The following TASP1 variants were observed in gnomAD, a reference collection of about 807,000 sequenced individuals.
TASP1 encodes the protein threonine aspartase 1.
TASP1 carries 16 observed loss-of-function variants against 56.6 expected under a neutral mutation model. The ratio of observed to expected loss-of-function variants is 0.28; its 90% CI spans 0.19 to 0.43. The LOEUF (loss-of-function observed/expected upper bound fraction) is 0.43, where lower values mean the gene tolerates loss of function less well. Among genes scored for constraint, TASP1 ranks in the 20% least tolerant of loss-of-function variants. TASP1 has a pLI of 1.00. For synonymous variants in TASP1, 179 were observed against 184.2 expected (o/e 0.97, Z 0.23); for missense variants, 393 against 511.6 (o/e 0.77, Z 2.24).
At chr20:13,256,332 G>T in the TASP1 span, among the ~76,000 whole-genome samples, 3 of 146,764 alleles carry the variant, frequency 2.0e-5, no homozygotes, top group Admixed American at 7.0e-5. Flanking sequence ...GGAGGTGGAG[G>T]TTACACTGAG....
At chr20:13,116,375 G>A in the TASP1 span, among the ~76,000 whole-genome samples, 43 of 152,202 alleles carry the variant, frequency 2.8e-4, no homozygotes, top group South Asian at 1.0e-3. Flanking sequence ...GTGTGTTTTC[G>A]TACAACTTGC....
At chr20:13,179,416 T>C in the TASP1 span, among the ~76,000 whole-genome samples, 2 of 151,696 alleles carry the variant, frequency 1.3e-5, no homozygotes, top group South Asian at 2.1e-4. Context: ...CGTGTGTGTG[T>C]GTGTGTGTGT....
intron 11 of TASP1, among the ~76,000 whole-genome samples, chr20:13,438,708 G>A (rs1443267145): frequency 1.3e-5 from 2 of 152,156 alleles, no homozygotes; most frequent in Non-Finnish European, 2.9e-5. Flanking sequence ...CACCATCAGA[G>A]TGAACAGGCA....
chr20:13,291,985 A>G, the TASP1 span, among the ~76,000 whole-genome samples: 2 of 152,212 alleles, frequency 1.3e-5, no homozygotes, highest in Non-Finnish European at 2.9e-5. Context: ...GTGGCTAGTA[A>G]TGATTTCAAC....
the TASP1 span, among the ~76,000 whole-genome samples, chr20:13,349,026 G>T: frequency 6.6e-6 from 1 of 152,150 alleles, no homozygotes; most frequent in South Asian, 2.1e-4. Flanking sequence ...TAAGCTGTTT[G>T]AAAAATCCTT....
the TASP1 span, among the ~76,000 whole-genome samples, chr20:13,251,846 G>A: frequency 6.6e-6 from 1 of 152,086 alleles, no homozygotes; most frequent in Admixed American, 6.5e-5. Context: ...ACTTGGAGCC[G>A]AACTCTTAGT....
the TASP1 span, among the ~76,000 whole-genome samples, chr20:13,314,589 T>C: frequency 8.0e-3 from 1,212 of 152,140 alleles, 9 homozygotes; most frequent in Middle Eastern, 0.031. Flanking sequence ...ATGGATGGAA[T>C]TTGTTACCAG....
intron 12 of TASP1, among the ~76,000 whole-genome samples, chr20:13,434,414 G>C (rs1049344656): frequency 6.6e-6 from 1 of 152,058 alleles, no homozygotes. Flanking sequence ...CTTCACAGAG[G>C]GTGGGCTGGG....
At chr20:13,300,044 G>A in the TASP1 span, 1 of 152,224 alleles carries the variant, frequency 6.6e-6, no homozygotes, top group Non-Finnish European at 1.5e-5. Flanking sequence ...TAAACCAAAT[G>A]TTATTTGGTC....
At chr20:13,464,664 C>T (rs2044181346) in intron 11 of TASP1, among the ~76,000 whole-genome samples, 2 of 152,240 alleles carry the variant, frequency 1.3e-5, no homozygotes, top group Admixed American at 6.5e-5. Flanking sequence ...AGGTCAAATA[C>T]TACATGATTC....
chr20:13,178,155 G>T, the TASP1 span, among the ~76,000 whole-genome samples: 1 of 152,088 alleles, frequency 6.6e-6, no homozygotes, highest in African/African-American at 2.4e-5. Flanking sequence ...TGAAAAAAAT[G>T]CTCAGCATCA....
At chr20:13,527,193 G>C (rs1347924654) in intron 10 of TASP1, among the ~76,000 whole-genome samples, 1 of 152,116 alleles carries the variant, frequency 6.6e-6, no homozygotes, top group Non-Finnish European at 1.5e-5. Flanking sequence ...GACAAACCAA[G>C]AGGGTTCCAG....
intron 13 of TASP1, among the ~76,000 whole-genome samples, chr20:13,399,792 G>A (rs144973034): frequency 6.6e-6 from 1 of 152,116 alleles, no homozygotes; most frequent in Non-Finnish European, 1.5e-5. Context: ...CCCATTTCAG[G>A]GGAAAAGCCC....
the TASP1 span, among the ~76,000 whole-genome samples, chr20:13,326,868 CAAAAGCTGGAAGCATTTCCCTTG>C: frequency 6.6e-6 from 1 of 152,158 alleles, no homozygotes; most frequent in East Asian, 1.9e-4. Context: ...ACTGAATGGG[CAAAAGCTGGAAGCATTTCCCTTG>C]AAAATTGGCA....
At chr20:13,298,761 G>A in the TASP1 span, among the ~76,000 whole-genome samples, 3 of 152,138 alleles carry the variant, frequency 2.0e-5, no homozygotes, top group African/African-American at 7.2e-5. Context: ...CACTTCTGAT[G>A]GTGCCAGGGG....
intron 11 of TASP1, among the ~76,000 whole-genome samples, chr20:13,480,249 A>C (rs2043090170): frequency 1.3e-5 from 2 of 152,200 alleles, no homozygotes; most frequent in Non-Finnish European, 2.9e-5. Context: ...AAAACTGCTG[A>C]AGCAACTTGT....
chr20:13,127,630 G>A, the TASP1 span, among the ~76,000 whole-genome samples: 3 of 152,146 alleles, frequency 2.0e-5, no homozygotes, highest in Non-Finnish European at 2.9e-5. Flanking sequence ...ATAAGAACAA[G>A]GCTGATCTAG....
At chr20:13,480,131 A>C (rs1294380433) in intron 11 of TASP1, among the ~76,000 whole-genome samples, 1 of 152,214 alleles carries the variant, frequency 6.6e-6, no homozygotes, top group Non-Finnish European at 1.5e-5. Flanking sequence ...CTGCCTGAAA[A>C]GAATTTCACA....
rs187094414 is a variant in TASP1, at chr20:13,542,415, T to G, written c.676-8274A>C. Among the ~76,000 whole-genome samples, 3 of 152,292 alleles carry G rather than the reference T, an allele frequency of 2.0e-5. 1 individual carries two copies. The East Asian group carries it at 5.8e-4, about 29-fold the overall frequency. On this transcript the variant is annotated intron_variant, in intron 8 of 13. Coordinates refer to ENST00000337743, the MANE Select transcript of TASP1 (RefSeq NM_017714.3). ...AAACAGAGAAATCAACAAATCATAC[T>G]CCACAATGAGGTATTTCAACATGTT... is the stretch of plus-strand genomic sequence containing the variant.
Sources: allele counts gnomAD v4.1 joint callset (sites outside exome capture counted in the v4.1 genomes callset), GRCh38; gene constraint gnomAD v4.1.1; transcripts MANE v1.5; gene names NCBI Gene and HGNC (gene_info 2026-07-23, HGNC 2026-07-21).